TRPV3: variants seen among roughly 807,000 people sequenced by gnomAD.
The protein encoded by TRPV3 is VRL-3.
Under a neutral mutation model 87.1 loss-of-function variants are expected in TRPV3, and 88 were observed. That is an observed-to-expected ratio of 1.01 (90% CI 0.85 to 1.21). The LOEUF is 1.21. Ranked by LOEUF, TRPV3 falls within the 50% of genes most tolerant of loss-of-function variation. TRPV3 has a pLI of 0.00. For synonymous variants in TRPV3, 438 were observed against 423.3 expected (o/e 1.03, Z -0.43); for missense variants, 1,054 against 1,030.1 (o/e 1.02, Z -0.32).
At chr17:3,533,060 T>A (rs933426733) in intron 7 of TRPV3, 123 bp from the exon 8 acceptor site, 1 of 1,110,884 alleles carries the variant, frequency 9.0e-7, no homozygotes, top group African/African-American at 1.6e-5. Flanking sequence ...CCTAGCCCTC[T>A]CCCCATCTTC....
At position 3,528,149 on chromosome 17, in the gene TRPV3, G is replaced by A; in HGVS notation, c.1402-23C>T. 1 of 1,593,176 alleles carries A rather than the reference G, an allele frequency of 6.3e-7. No individual in the cohort carries two copies. On this transcript the variant is annotated intron_variant, in intron 10 of 17. Transcript: ENST00000576742. This position sits in a 1 kb window ranked among gnomAD's most constrained non-coding sequence, Gnocchi z 4.2. ...GGCCTGCAGGGAAAGAAGAGGGGTGGTCAGTATAGGAAGCAAGGAGGACAG... is the reference window on the plus strand; with the variant it reads ...GGCCTGCAGGGAAAGAAGAGGGGTGATCAGTATAGGAAGCAAGGAGGACAG...
Position 3,542,502 on chromosome 17 carries a change from C to T in TRPV3, c.643+20G>A. On this transcript the variant is annotated intron_variant, in intron 6 of 17. Coordinates refer to ENST00000576742, the MANE Select transcript of TRPV3 (RefSeq NM_145068.4). The stretch of plus-strand genomic sequence containing the variant: ...CCCTCAGAGACTCCTGTCTGCACAG[C>T]CCCTCTGCAGGCAGGATACCTTCAT... 1 of 1,608,280 alleles carries T rather than the reference C, an allele frequency of 6.2e-7. No homozygotes were observed. The highest frequency in any genetic ancestry group is 8.5e-7 in the Non-Finnish European group (1 of 1,176,978).
intron 5 of TRPV3, among the ~76,000 whole-genome samples, chr17:3,543,194 G>A (rs1434124763): frequency 5.3e-5 from 8 of 152,010 alleles, no homozygotes; most frequent in Admixed American, 5.2e-4. Context: ...GCTCAGAACC[G>A]TTCCCTTCTC....
intron 11 of TRPV3, 130 bp from the exon 12 acceptor site, chr17:3,527,057 G>A: frequency 1.4e-6 from 1 of 716,610 alleles, no homozygotes; most frequent in East Asian, 2.7e-5. Context: ...TAGAGTCCAG[G>A]TGGCGGATCT....
At chr17:3,525,063 A>G (rs776181303) in intron 12 of TRPV3, among the ~76,000 whole-genome samples, 38 of 152,134 alleles carry the variant, frequency 2.5e-4, no homozygotes, top group Admixed American at 5.2e-4. Context: ...TCTGTCACCT[A>G]GGCTGGAGTA....
chr17:3,537,980 C>T (rs1221239333), intron 6 of TRPV3, among the ~76,000 whole-genome samples: 2 of 149,202 alleles, frequency 1.3e-5, no homozygotes, highest in African/African-American at 4.9e-5. Flanking sequence ...GGGCAGATCA[C>T]GAGGTCAGGA....
chr17:3,531,945 C>T (rs527394252), intron 8 of TRPV3, among the ~76,000 whole-genome samples: 1 of 152,312 alleles, frequency 6.6e-6, no homozygotes, highest in East Asian at 1.9e-4. Context: ...AGTCACCACC[C>T]CCCAGTGTCC....
At chr17:3,553,793 G>A (rs1466095684) in intron 2 of TRPV3, 5 of 152,218 alleles carry the variant, frequency 3.3e-5, no homozygotes, top group Admixed American at 3.3e-4. Context: ...CCCAACCCTG[G>A]GGCTGGTACA....
Position 3,530,294 on chromosome 17 carries a change from G to A in TRPV3, c.1066-91C>T. ...AGCCAGAGGCTGGCTGGGCCCAGGG[G>A]ATACACCCGCCCAGAATGGGTGGAG... On this transcript the variant is annotated intron_variant, in intron 8 of 17. Transcript: ENST00000576742. The surrounding 1 kb of genome is among the most constrained non-coding windows in gnomAD (Gnocchi z 4.0). The A allele has an allele frequency of 7.4e-7, 1 of 1,346,372 alleles. No individual in the cohort carries two copies. The highest frequency in any genetic ancestry group is 1.0e-6 in the Non-Finnish European group (1 of 988,522). 83.4% of individuals were successfully genotyped at this position (1,346,372 alleles called of 1,614,324 possible).
intron 6 of TRPV3, among the ~76,000 whole-genome samples, chr17:3,540,060 A>AAAATAAATAAATAAATAAAT (rs369472913): frequency 6.9e-6 from 1 of 145,518 alleles, no homozygotes; most frequent in African/African-American, 2.5e-5. Flanking sequence ...TCCATCTCAA[A>AAAATAAATAAATAAATAAAT]AAATAAATAA....
At chr17:3,517,464 C>CA in intron 15 of TRPV3, among the ~76,000 whole-genome samples, 1 of 151,406 alleles carries the variant, frequency 6.6e-6, no homozygotes, top group Admixed American at 6.6e-5. Context: ...ACAAAAAATA[C>CA]AAAAATGACC....
rs771229136 is a variant in TRPV3, at chr17:3,543,659, C to T, written c.312-31G>A. 17 of 1,611,760 alleles carry T rather than the reference C, an allele frequency of 1.1e-5. No individual in the cohort carries two copies. In the South Asian group the frequency reaches 1.9e-4, roughly 18 times the overall value. On this transcript the variant is annotated intron_variant, in intron 4 of 17. Transcript: ENST00000576742. ...GCCAGAAAATGTTTCCAACTCAACA[C>T]ACACATCCTCTCAAGCTCAATCTCT...
chr17:3,532,596 G>GGGT, intron 8 of TRPV3, 61 bp downstream of exon 8: 2 of 1,580,356 alleles, frequency 1.3e-6, no homozygotes, highest in Non-Finnish European at 1.7e-6. Flanking sequence ...GGGGCTGAGA[G>GGGT]GGTGGCAGCT....
intron 13 of TRPV3, 33 bp from the exon 14 acceptor site, chr17:3,521,072 G>A (rs1019577417): frequency 5.4e-6 from 8 of 1,475,734 alleles, no homozygotes; most frequent in Non-Finnish European, 6.6e-6. Context: ...CAAGTGTAAG[G>A]TGCAAGCACA....
chr17:3,535,453 T>A, intron 7 of TRPV3, 120 bp downstream of exon 7: 1 of 752,228 alleles, frequency 1.3e-6, no homozygotes, highest in Non-Finnish European at 1.7e-6. Flanking sequence ...CTCACTTCCT[T>A]CCTCCTTCCC....
intron 17 of TRPV3, 59 bp from the exon 18 acceptor site, chr17:3,514,070 T>A: frequency 7.1e-7 from 1 of 1,405,938 alleles, no homozygotes; most frequent in Non-Finnish European, 9.7e-7. Flanking sequence ...TGTGTTTCTT[T>A]TTTCTTTTTC....
intron 11 of TRPV3, chr17:3,527,691 A>G (rs964937667): frequency 5.4e-6 from 2 of 372,946 alleles, no homozygotes; most frequent in Admixed American, 8.7e-5. Context: ...GGATGAGTGG[A>G]CATGTGAATG....
At chr17:3,519,764 AGATGGATG>A (rs138638388) in intron 14 of TRPV3, among the ~76,000 whole-genome samples, 4 of 92,960 alleles carry the variant, frequency 4.3e-5, no homozygotes, top group African/African-American at 1.7e-4. Context: ...ATGAATGATT[AGATGGATG>A]GATGGATGGA....
chr17:3,522,991 T>TG (rs149497370), intron 13 of TRPV3, among the ~76,000 whole-genome samples: 7,648 of 152,182 alleles, frequency 0.05, 636 homozygotes, highest in African/African-American at 0.17. Flanking sequence ...CAGGCATTCA[T>TG]GGGGGGTCTT....
Sources: allele counts gnomAD v4.1 joint callset (sites outside exome capture counted in the v4.1 genomes callset), GRCh38; gene constraint gnomAD v4.1.1; non-coding constraint Gnocchi (gnomAD v3.1); transcripts MANE v1.5; gene names NCBI Gene and HGNC (gene_info 2026-07-23, HGNC 2026-07-21).